The following MRPS31 variants were observed in gnomAD, a reference collection of about 807,000 sequenced individuals.
The protein encoded by MRPS31 is mitochondrial ribosomal protein S31.
Under a neutral mutation model 43.1 loss-of-function variants are expected in MRPS31, and 32 were observed. The ratio of observed to expected loss-of-function variants is 0.74; its 90% CI spans 0.56 to 1.00. The LOEUF (loss-of-function observed/expected upper bound fraction) is 1.00, where lower values mean the gene tolerates loss of function less well. Ranked by LOEUF, MRPS31 falls within the 50% of genes least tolerant of loss-of-function variation. The pLI is 0.00. For missense variants in MRPS31, 437 were observed against 466.7 expected (o/e 0.94, Z 0.59); for synonymous variants, 165 against 161.6 (o/e 1.02, Z -0.16).
At chr13:40,748,988 A>T in intron 6 of MRPS31, 150 bp downstream of exon 6, 1 of 710,270 alleles carries the variant, frequency 1.4e-6, no homozygotes, top group Non-Finnish European at 2.1e-6. Context: ...CATCTTTTTT[A>T]AAAAACCTTG....
Position 40,753,886 on chromosome 13 carries a change from G to A in MRPS31, c.814+133C>T, listed in dbSNP as rs190783711. The A allele has an allele frequency of 1.4e-3, 876 of 626,778 alleles. 5 individuals are homozygous for A. The African/African-American group carries it at 0.015, about 11-fold the overall frequency. The allele number at this position is 626,778 out of a possible 1,614,324, so 38.8% of individuals were successfully genotyped here. A position where few individuals can be genotyped will look rare whatever the true frequency, so the allele number is the denominator to read the frequency against. On this transcript the variant is annotated intron_variant, in intron 5 of 6. Transcript: ENST00000323563. Reference sequence around the variant, plus strand: ...GTCCCAAGTTTTCCTTGTAACAACCGCCACATTCATAAGCAGGATCCAGGC... The same window carrying A: ...GTCCCAAGTTTTCCTTGTAACAACCACCACATTCATAAGCAGGATCCAGGC...
chr13:40,749,107 C>T (rs560073332), intron 6 of MRPS31, 31 bp downstream of exon 6: 18 of 1,564,052 alleles, frequency 1.2e-5, no homozygotes, highest in South Asian at 4.9e-5. Context: ...TCAATCAATA[C>T]GTTTTATAAT....
chr13:40,757,630 G>A (rs1330408991), intron 3 of MRPS31, among the ~76,000 whole-genome samples: 2 of 151,064 alleles, frequency 1.3e-5, no homozygotes, highest in Non-Finnish European at 3.0e-5. Flanking sequence ...GTTTTTAGTA[G>A]AGACAGGGTT....
Position 40,729,329 on chromosome 13 carries a change from T to C in MRPS31, c.*43A>G, listed in dbSNP as rs549815220. The C allele has an allele frequency of 1.1e-6, 1 of 945,848 alleles. No individual in the cohort carries two copies. Among genetic ancestry groups the C allele is most frequent in the South Asian group, 1.6e-5 (1 of 60,986 alleles). The allele number at this position is 945,848 out of a possible 1,614,324, so 58.6% of individuals were successfully genotyped here. ...CTAGTAAAATTATTTTATTTAGTTG[T>C]AATATCCATCTCTAATTGTTTGAAA... On this transcript the variant is annotated 3_prime_UTR_variant, in exon 7 of 7. Transcript: ENST00000323563.
intron 6 of MRPS31, among the ~76,000 whole-genome samples, chr13:40,744,782 T>C (rs1880196177): frequency 6.6e-6 from 1 of 151,916 alleles, no homozygotes; most frequent in Admixed American, 6.6e-5. Context: ...CCTGGCTAAT[T>C]TTTGCATTTT....
chr13:40,756,716 G>T lies in MRPS31; in HGVS notation c.740+157C>A, dbSNP rs571632928. On this transcript the variant is annotated intron_variant, in intron 4 of 6. Coordinates refer to ENST00000323563, the MANE Select transcript of MRPS31 (RefSeq NM_005830.4). ...ATCCAGCACATGGTTCCCTCTCTAG[G>T]AAGTGGTATACAGAGAGTAAGAACA... Among the ~76,000 whole-genome samples, 39 of 152,256 alleles carry T rather than the reference G, an allele frequency of 2.6e-4. No individual in the cohort carries two copies. The East Asian group carries it at 5.4e-3, about 21-fold the overall frequency.
intron 6 of MRPS31, among the ~76,000 whole-genome samples, chr13:40,740,061 A>G (rs1452481180): frequency 1.3e-5 from 2 of 150,888 alleles, no homozygotes; most frequent in African/African-American, 4.9e-5. Flanking sequence ...GCTAATATCC[A>G]GAATCTACAA....
rs374423619 is a variant in MRPS31, at chr13:40,768,223, A to T, written c.153-1190T>A. ...GGTATATTAAAAAATTATTTGCTAA[A>T]TATAGTGAATATCTACTCTGTGGTG... On this transcript the variant is annotated intron_variant, in intron 1 of 6. Transcript: ENST00000323563. Among the ~76,000 whole-genome samples the T allele has an allele frequency of 6.6e-5, 10 of 152,352 alleles. No individual in the cohort carries two copies. In the South Asian group the frequency reaches 1.4e-3, roughly 22 times the overall value.
intron 1 of MRPS31, 199 bp downstream of exon 1, chr13:40,770,786 G>A (rs1275353141): frequency 4.9e-6 from 3 of 613,482 alleles, no homozygotes; most frequent in Non-Finnish European, 5.6e-6. Context: ...GCGGCGTGTA[G>A]TAGAGCACAG....
intron 5 of MRPS31, among the ~76,000 whole-genome samples, chr13:40,751,775 C>T (rs1429853809): frequency 6.6e-6 from 1 of 152,096 alleles, no homozygotes; most frequent in Admixed American, 6.5e-5. Flanking sequence ...TAGACTCATG[C>T]AAGTATAGCA....
At chr13:40,729,714 G>T in intron 6 of MRPS31, 113 bp from the exon 7 acceptor site, 9 of 690,952 alleles carry the variant, frequency 1.3e-5, no homozygotes, top group East Asian at 2.9e-5. Flanking sequence ...GAACTTTGGA[G>T]TTAGACCTAG....
chr13:40,733,304 C>A (rs74242787), intron 6 of MRPS31, among the ~76,000 whole-genome samples: 4,585 of 151,740 alleles, frequency 0.03, 177 homozygotes, highest in East Asian at 0.14. Context: ...GCGCCCAGCC[C>A]AATGAAGCAT....
At chr13:40,770,210 T>C (rs997944051) in intron 1 of MRPS31, among the ~76,000 whole-genome samples, 1 of 152,228 alleles carries the variant, frequency 6.6e-6, no homozygotes, top group Non-Finnish European at 1.5e-5. Flanking sequence ...TCCATTCAGC[T>C]GGTCCTTCCC....
chr13:40,764,966 C>T (rs1211530349), intron 2 of MRPS31, among the ~76,000 whole-genome samples: 1 of 152,078 alleles, frequency 6.6e-6, no homozygotes, highest in Admixed American at 6.5e-5. Context: ...ATATTTAATA[C>T]AAACAAAGAA....
At chr13:40,735,125 C>T (rs149769092) in intron 6 of MRPS31, among the ~76,000 whole-genome samples, 5 of 152,242 alleles carry the variant, frequency 3.3e-5, no homozygotes, top group African/African-American at 9.6e-5. Context: ...ACTCGGGAAG[C>T]GCAAGGGGTC....
intron 4 of MRPS31, among the ~76,000 whole-genome samples, chr13:40,754,721 A>C (rs182910048): frequency 6.6e-6 from 1 of 152,382 alleles, no homozygotes; most frequent in Admixed American, 6.5e-5. Flanking sequence ...TGGCAGATTA[A>C]AATCCAGTTT....
rs1288738032 is a variant in MRPS31 at position 40,766,722 on chromosome 13, CATCTG to C, written c.440+19_440+23del. On this transcript the variant is annotated intron_variant, in intron 2 of 6. Coordinates refer to ENST00000323563, the MANE Select transcript of MRPS31 (RefSeq NM_005830.4). ...AAAAGCTTACTGGAGTTTCAAACAA[CATCTG>C]AATTACAATTAAATTTACCTCTTCT... 1 of 1,556,192 alleles carries C rather than the reference CATCTG, an allele frequency of 6.4e-7. No individual in the cohort carries two copies. The highest frequency in any genetic ancestry group is 2.3e-5 in the East Asian group (1 of 44,184).
chr13:40,742,894 A>G (rs758642526), intron 6 of MRPS31, among the ~76,000 whole-genome samples: 1 of 152,214 alleles, frequency 6.6e-6, no homozygotes, highest in Non-Finnish European at 1.5e-5. Flanking sequence ...ACCATGTACA[A>G]AAATCAACTC....
intron 6 of MRPS31, 54 bp from the exon 7 acceptor site, chr13:40,729,655 T>C: frequency 8.8e-7 from 1 of 1,141,334 alleles, no homozygotes; most frequent in South Asian, 1.4e-5. Context: ...AAAACCTACA[T>C]CATAAAAATA....
Sources: allele counts gnomAD v4.1 joint callset (sites outside exome capture counted in the v4.1 genomes callset), GRCh38; gene constraint gnomAD v4.1.1; transcripts MANE v1.5; gene names NCBI Gene and HGNC (gene_info 2026-07-23, HGNC 2026-07-21).